Variants in MPP4 observed in about 807,000 individuals in gnomAD.
The protein encoded by MPP4 is MAGUK p55 scaffold protein 4.
A neutral mutation model predicts 98.3 loss-of-function variants in MPP4; 91 were observed. The ratio of observed to expected loss-of-function variants is 0.93; its 90% CI spans 0.78 to 1.10. The LOEUF (loss-of-function observed/expected upper bound fraction) is 1.10. MPP4 is among the 50% of genes least tolerant of loss of function. The probability of loss-of-function intolerance (pLI) is 0.00; values close to 1 mark genes in which losing one functional copy is unlikely to be tolerated. For synonymous variants in MPP4, 261 were observed against 271.8 expected (o/e 0.96, Z 0.39); for missense variants, 744 against 792.9 (o/e 0.94, Z 0.74).
At chr2:201,698,438 T>TC in intron 1 of MPP4, 149 bp downstream of exon 1, 2 of 485,914 alleles carry the variant, frequency 4.1e-6, no homozygotes, top group Non-Finnish European at 6.9e-6. Context: ...ATCATAAAAT[T>TC]CCCCATATCA....
chr2:201,683,035 T>A, intron 7 of MPP4, 119 bp from the exon 8 acceptor site: 1 of 659,364 alleles, frequency 1.5e-6, no homozygotes, highest in South Asian at 2.1e-5. Flanking sequence ...ATGTTTAATA[T>A]AAAATAATAA....
chr2:201,691,928 T>C (rs1689041537), intron 3 of MPP4, among the ~76,000 whole-genome samples: 1 of 152,232 alleles, frequency 6.6e-6, no homozygotes, highest in Non-Finnish European at 1.5e-5. Context: ...CACTTTTATT[T>C]ATCCAGGGTT....
At chr2:201,647,568 G>T in intron 21 of MPP4, 123 bp downstream of exon 21, 1 of 1,003,864 alleles carries the variant, frequency 1.0e-6, no homozygotes, top group Non-Finnish European at 1.4e-6. Context: ...AGGGCCTTTT[G>T]GAGAGGGGGT....
chr2:201,659,892 T>C (rs1034122147), intron 15 of MPP4, among the ~76,000 whole-genome samples: 1 of 152,266 alleles, frequency 6.6e-6, no homozygotes, highest in South Asian at 2.1e-4. Flanking sequence ...AACTGACATA[T>C]GCAACCTTTT....
At chr2:201,673,086 C>A (rs1688390316) in intron 11 of MPP4, among the ~76,000 whole-genome samples, 1 of 152,258 alleles carries the variant, frequency 6.6e-6, no homozygotes, top group South Asian at 2.1e-4. Flanking sequence ...TAAATGTAAT[C>A]CATCACATAA....
At position 201,671,995 on chromosome 2, in the gene MPP4, C is replaced by T. The variant is rs117627092; in HGVS notation, c.995-2245G>A. ...ACTTATTCTAAAATTGACCACCAAC[C>T]GGAAGTAAAACATTCCTCAGCAAAT... On this transcript the variant is annotated intron_variant, in intron 11 of 21. Transcript: ENST00000409474. 4.0e-3 allele frequency among the ~76,000 whole-genome samples: 614 copies of T among 152,170 alleles called. 30 individuals are homozygous for T. The East Asian group carries it at 0.087, about 21-fold the overall frequency.
At chr2:201,697,492 T>G (rs1362134195) in intron 1 of MPP4, among the ~76,000 whole-genome samples, 1 of 152,214 alleles carries the variant, frequency 6.6e-6, no homozygotes, top group Admixed American at 6.5e-5. Flanking sequence ...ATCTTGTTCA[T>G]GCTGCAGCTT....
At chr2:201,681,615 G>T in intron 8 of MPP4, 48 bp from the exon 9 acceptor site, 2 of 1,451,846 alleles carry the variant, frequency 1.4e-6, no homozygotes, top group Non-Finnish European at 1.9e-6. Context: ...AGCTAGCAGG[G>T]TTACTGGGGC....
At chr2:201,648,082 G>T (rs532926405) in intron 20 of MPP4, among the ~76,000 whole-genome samples, 22 of 152,320 alleles carry the variant, frequency 1.4e-4, no homozygotes, top group African/African-American at 4.6e-4. Flanking sequence ...GAGCGCAGGG[G>T]TGGGATCTCT....
intron 5 of MPP4, 84 bp downstream of exon 5, chr2:201,687,207 C>T: frequency 2.7e-6 from 3 of 1,123,068 alleles, no homozygotes; most frequent in Non-Finnish European, 2.6e-6. Flanking sequence ...TCAGAGAGAA[C>T]ATTTTCCATC....
chr2:201,682,684 G>T, intron 8 of MPP4, 147 bp downstream of exon 8: 1 of 617,808 alleles, frequency 1.6e-6, no homozygotes. Context: ...ATGGGTGACA[G>T]ACAAGGTCTG....
chr2:201,647,657 GA>G (rs749346439), intron 21 of MPP4, 33 bp downstream of exon 21: 1 of 1,600,060 alleles, frequency 6.2e-7, no homozygotes, highest in East Asian at 2.2e-5. Context: ...AGAAGCCACT[GA>G]AAGCAATACA....
At chr2:201,655,116 A>G (rs1028070534) in intron 17 of MPP4, among the ~76,000 whole-genome samples, 199 bp from the exon 18 acceptor site, 1 of 152,224 alleles carries the variant, frequency 6.6e-6, no homozygotes, top group Non-Finnish European at 1.5e-5. Flanking sequence ...GGAGTAATCC[A>G]CATTGTTTCA....
At position 201,654,902 on chromosome 2, in the gene MPP4, C is replaced by G; in HGVS notation, c.1316G>C (p.Gly439Ala). The G allele has an allele frequency of 6.2e-7, 1 of 1,603,728 alleles. No individual in the cohort carries two copies. Residue 439 changes from glycine (G) to alanine (A), a missense_variant, in exon 18 of 22, where the codon GGA becomes GCA. Physicochemically the swap from Gly to Ala is moderately conservative, Grantham distance 60. Transcript: ENST00000409474. ...AAGTTGTCTTCTGAGCTCATTTACT[C>G]CAACACCAGAGGGTCCTAAACACAA... is the stretch of plus-strand genomic sequence containing the variant. ...LIVLMGPSGV[G>A]VNELRRQLIE...
intron 12 of MPP4, among the ~76,000 whole-genome samples, chr2:201,669,415 C>A (rs953818493): frequency 6.6e-6 from 1 of 152,206 alleles, no homozygotes; most frequent in African/African-American, 2.4e-5. Context: ...ATCAGTTTCA[C>A]AGCTTTTATT....
intron 10 of MPP4, among the ~76,000 whole-genome samples, chr2:201,677,668 C>T (rs533136430): frequency 1.7e-4 from 26 of 152,280 alleles, no homozygotes; most frequent in Non-Finnish European, 2.4e-4. Flanking sequence ...GCACCTGAGG[C>T]GCTTGGTGAA....
intron 3 of MPP4, among the ~76,000 whole-genome samples, 188 bp from the exon 4 acceptor site, chr2:201,690,467 C>T (rs1171041170): frequency 6.6e-6 from 1 of 152,042 alleles, no homozygotes; most frequent in Non-Finnish European, 1.5e-5. Context: ...TTGGTGGCCC[C>T]GATGCTTCAA....
chr2:201,658,616 TTAG>T, intron 15 of MPP4, 98 bp from the exon 16 acceptor site: 1 of 1,066,298 alleles, frequency 9.4e-7, no homozygotes, highest in Non-Finnish European at 1.4e-6. Context: ...AGTGACCACC[TTAG>T]TAGACGGCAG....
intron 11 of MPP4, among the ~76,000 whole-genome samples, chr2:201,671,722 C>T (rs193189037): frequency 2.2e-4 from 33 of 152,184 alleles, no homozygotes; most frequent in Admixed American, 7.2e-4. Context: ...ATATATGCAC[C>T]GAATAGAGAA....
Sources: allele counts gnomAD v4.1 joint callset (sites outside exome capture counted in the v4.1 genomes callset), GRCh38; gene constraint gnomAD v4.1.1; transcripts MANE v1.5; gene names NCBI Gene and HGNC (gene_info 2026-07-23, HGNC 2026-07-21).